Variants in SDK2 observed in about 807,000 individuals in gnomAD.
The protein encoded by SDK2 is protein sidekick-2.
Under a neutral mutation model 253.9 loss-of-function variants are expected in SDK2, and 105 were observed. The ratio of observed to expected loss-of-function variants is 0.41; its 90% CI spans 0.35 to 0.49. SDK2 has a LOEUF of 0.49. Among genes scored for constraint, SDK2 ranks in the 20% least tolerant of loss-of-function variants. The pLI is 0.06. For synonymous variants in SDK2, 1,249 were observed against 1,234.9 expected (o/e 1.01, Z -0.24); for missense variants, 2,608 against 3,003.0 (o/e 0.87, Z 3.07).
intron 44 of SDK2, among the ~76,000 whole-genome samples, chr17:73,340,963 C>T (rs1368997483): frequency 2.7e-5 from 4 of 150,886 alleles, no homozygotes; most frequent in South Asian, 2.1e-4. Flanking sequence ...AAGCTGGCCT[C>T]GAACTCCCAA....
intron 1 of SDK2, among the ~76,000 whole-genome samples, chr17:73,640,787 C>T (rs966722834): frequency 2.0e-5 from 3 of 152,170 alleles, no homozygotes; most frequent in African/African-American, 7.2e-5. Flanking sequence ...TCCCCACTGC[C>T]TTGTTCTCTC....
chr17:73,569,323 G>A (rs1171632733), intron 1 of SDK2, among the ~76,000 whole-genome samples: 1 of 151,402 alleles, frequency 6.6e-6, no homozygotes, highest in South Asian at 2.1e-4. Context: ...TCAGCCTCCT[G>A]AGTAGCTGGG....
At chr17:73,497,129 G>A (rs1015696650) in intron 2 of SDK2, among the ~76,000 whole-genome samples, 9 of 152,098 alleles carry the variant, frequency 5.9e-5, no homozygotes, top group Non-Finnish European at 7.4e-5. Context: ...AGCTCCTGAC[G>A]TCAGGTGATC....
At chr17:73,355,096 G>A (rs1242132519) in intron 40 of SDK2, among the ~76,000 whole-genome samples, 3 of 144,594 alleles carry the variant, frequency 2.1e-5, no homozygotes, top group Non-Finnish European at 4.5e-5. Flanking sequence ...AAGGCTCCGG[G>A]GTCCCGAACC....
intron 38 of SDK2, among the ~76,000 whole-genome samples, chr17:73,364,119 G>A (rs1466513068): frequency 1.3e-5 from 2 of 152,128 alleles, no homozygotes; most frequent in Non-Finnish European, 2.9e-5. Context: ...GCACCTGGCT[G>A]GGACTAGTCC....
chr17:73,590,125 CGATGAGG>C (rs1443728400), intron 1 of SDK2, among the ~76,000 whole-genome samples: 2 of 152,152 alleles, frequency 1.3e-5, no homozygotes, highest in East Asian at 3.8e-4. Context: ...AACAGGGAGC[CGATGAGG>C]GCCTTTGAGA....
At chr17:73,415,547 A>C (rs942718959) in intron 17 of SDK2, among the ~76,000 whole-genome samples, 2 of 151,820 alleles carry the variant, frequency 1.3e-5, no homozygotes, top group Non-Finnish European at 2.9e-5. Flanking sequence ...GGGTCTCACT[A>C]TGTTGCCTAG....
At chr17:73,526,717 G>A (rs114610518) in intron 1 of SDK2, among the ~76,000 whole-genome samples, 2,313 of 152,106 alleles carry the variant, frequency 0.015, 63 homozygotes, top group African/African-American at 0.052. Context: ...GTGTCCTGAG[G>A]GCTTGTTTGG....
chr17:73,395,021 G>GTCA lies in SDK2; in HGVS notation c.3592+133_3592+134insTGA, dbSNP rs1394071779. 5.2e-5 allele frequency: 35 copies of GTCA among 667,690 alleles called. No individual in the cohort carries two copies. The highest frequency in any genetic ancestry group is 8.2e-5 in the Non-Finnish European group (32 of 387,902). The allele number at this position is 667,690 out of a possible 1,614,324, so 41.4% of individuals were successfully genotyped here. ...GGCGGCAACATCATTGTGACATTGAGCATAAGCAGAGGAAATGAGCTCAGG... is the reference window on the plus strand; with the variant it reads ...GGCGGCAACATCATTGTGACATTGAGTCACATAAGCAGAGGAAATGAGCTCAGG... On this transcript the variant is annotated intron_variant, in intron 25 of 44. Coordinates refer to ENST00000392650, the MANE Select transcript of SDK2 (RefSeq NM_001144952.2). The surrounding 1 kb of genome is among the most constrained non-coding windows in gnomAD (Gnocchi z 4.3).
At position 73,616,667 on chromosome 17, in the gene SDK2, C is replaced by G. The variant is rs895565639; in HGVS notation, c.64+27358G>C. On this transcript the variant is annotated intron_variant, in intron 1 of 44. Coordinates refer to ENST00000392650, the MANE Select transcript of SDK2 (RefSeq NM_001144952.2). The surrounding 1 kb of genome is among the most constrained non-coding windows in gnomAD (Gnocchi z 5.2). ...GAAGATAAGAAACTAACTAGTCCAG[C>G]TAGTTTTTGCAGAATGCTGTGAGAG... Among the ~76,000 whole-genome samples the G allele has an allele frequency of 6.6e-6, 1 of 152,198 alleles. No homozygotes were observed. The highest frequency in any genetic ancestry group is 1.5e-5 in the Non-Finnish European group (1 of 68,034).
intron 27 of SDK2, among the ~76,000 whole-genome samples, chr17:73,392,782 G>A (rs896489592): frequency 2.0e-4 from 31 of 152,116 alleles, no homozygotes; most frequent in African/African-American, 6.0e-4. Flanking sequence ...GGAGATAGGA[G>A]GGGGCAAGGG....
Position 73,399,139 on chromosome 17 carries a change from C to T in SDK2, c.3093+29G>A, listed in dbSNP as rs767456719. 8.1e-6 allele frequency: 13 copies of T among 1,611,168 alleles called. No homozygotes were observed. The Admixed American group carries it at 8.4e-5, about 10-fold the overall frequency. On this transcript the variant is annotated intron_variant, in intron 22 of 44. Transcript: ENST00000392650. ...AGGGCACGGGGTGCCCTGGCGGGGG[C>T]TGCTGGTCAGGCCCCAGGCCTGCCC... is the stretch of plus-strand genomic sequence containing the variant.
chr17:73,454,701 A>G (rs931607857), intron 4 of SDK2, among the ~76,000 whole-genome samples: 4 of 152,088 alleles, frequency 2.6e-5, no homozygotes, highest in African/African-American at 9.7e-5. Flanking sequence ...GATGATGGTG[A>G]TATTATCATT....
intron 18 of SDK2, among the ~76,000 whole-genome samples, chr17:73,404,910 G>A (rs1477169932): frequency 6.6e-6 from 1 of 151,932 alleles, no homozygotes; most frequent in Non-Finnish European, 1.5e-5. Context: ...GGGTGTTGGG[G>A]GAGGGCAGCC....
intron 18 of SDK2, among the ~76,000 whole-genome samples, chr17:73,410,500 T>G (rs2063116817): frequency 6.6e-6 from 1 of 152,056 alleles, no homozygotes; most frequent in Non-Finnish European, 1.5e-5. Context: ...GTATTTTCAG[T>G]AGAGACAAGG....
chr17:73,625,586 C>T (rs8073463), intron 1 of SDK2, among the ~76,000 whole-genome samples: 54,091 of 152,130 alleles, frequency 0.36, 9,840 homozygotes, highest in African/African-American at 0.41. Context: ...AATATTTCTC[C>T]GCTGCCATCT....
Position 73,337,732 on chromosome 17 carries a change from C to G in SDK2, c.*855G>C, listed in dbSNP as rs2062391984. The G allele has an allele frequency of 6.6e-6, 1 of 152,394 alleles. No individual in the cohort carries two copies. The highest frequency in any genetic ancestry group is 6.5e-5 in the Admixed American group (1 of 15,296). The allele number at this position is 152,394 out of a possible 1,614,324, so 9.4% of individuals were successfully genotyped here. Reference sequence around the variant, plus strand: ...ATCATCCCACAGTGCCAAGGCCAGTCGCCTTATTTACACCTCTGCTCCCCA... The same window carrying G: ...ATCATCCCACAGTGCCAAGGCCAGTGGCCTTATTTACACCTCTGCTCCCCA... On this transcript the variant is annotated 3_prime_UTR_variant, in exon 45 of 45. Coordinates refer to ENST00000392650, the MANE Select transcript of SDK2 (RefSeq NM_001144952.2).
At chr17:73,369,214 C>T (rs2062713859) in intron 36 of SDK2, 1 of 469,248 alleles carries the variant, frequency 2.1e-6, no homozygotes, top group African/African-American at 2.0e-5. Flanking sequence ...TAAAGCAAAT[C>T]CGTCCTACGG....
At chr17:73,582,861 ACT>A (rs1375254751) in intron 1 of SDK2, among the ~76,000 whole-genome samples, 8 of 151,936 alleles carry the variant, frequency 5.3e-5, no homozygotes, top group Non-Finnish European at 1.0e-4. Flanking sequence ...GGTGGTCAGG[ACT>A]CACGTCTCGT....
Sources: allele counts gnomAD v4.1 joint callset (sites outside exome capture counted in the v4.1 genomes callset), GRCh38; gene constraint gnomAD v4.1.1; non-coding constraint Gnocchi (gnomAD v3.1); transcripts MANE v1.5; gene names NCBI Gene and HGNC (gene_info 2026-07-23, HGNC 2026-07-21).